The following ACVR1 variants were observed in gnomAD, a reference collection of about 807,000 sequenced individuals.
ACVR1 encodes the protein activin receptor type-1.
A neutral mutation model predicts 57.1 loss-of-function variants in ACVR1; 38 were observed. The observed-to-expected ratio is 0.67, with a 90% CI of 0.51 to 0.87. ACVR1 has a LOEUF of 0.87. ACVR1 is among the 40% of genes least tolerant of loss of function. The probability of loss-of-function intolerance (pLI) is 0.00; values close to 1 mark genes in which losing one functional copy is unlikely to be tolerated. For missense variants in ACVR1, 463 were observed against 638.2 expected, an observed-to-expected ratio of 0.73 and a Z score of 2.96; for synonymous variants, 212 against 228.1, an observed-to-expected ratio of 0.93 and a Z score of 0.63.
At chr2:157,832,382 G>A (rs989525935) in intron 1 of ACVR1, among the ~76,000 whole-genome samples, 5 of 152,154 alleles carry the variant, frequency 3.3e-5, no homozygotes, top group Admixed American at 6.5e-5. Context: ...AGACAAAAAC[G>A]AGAAAGGATG....
intron 6 of ACVR1, among the ~76,000 whole-genome samples, chr2:157,773,312 A>G (rs563564480): frequency 1.3e-5 from 2 of 152,204 alleles, no homozygotes; most frequent in South Asian, 4.1e-4. Flanking sequence ...ACAAGCTGTA[A>G]AAAACATTTA....
chr2:157,844,299 GCT>G (rs1365698161), intron 1 of ACVR1, among the ~76,000 whole-genome samples: 7 of 152,144 alleles, frequency 4.6e-5, no homozygotes, highest in Non-Finnish European at 8.8e-5. Flanking sequence ...AACAGTGACA[GCT>G]CTGCCCCCAA....
chr2:157,825,384 G>A (rs1417855441), intron 1 of ACVR1, among the ~76,000 whole-genome samples: 1 of 152,144 alleles, frequency 6.6e-6, no homozygotes, highest in African/African-American at 2.4e-5. Context: ...TGAGAAATGA[G>A]TTTCATGACA....
chr2:157,863,445 C>T lies in ACVR1; in HGVS notation c.-183+12351G>A, dbSNP rs375933633. ...GGCTCAGTGGCTCACGCCTGTAATC[C>T]CAGCACTTTGGGAGGCCGAGGCCAG... is the stretch of plus-strand genomic sequence containing the variant. On this transcript the variant is annotated intron_variant, in intron 1 of 10. Transcript: ENST00000434821. Among the ~76,000 whole-genome samples, 53 of 127,388 alleles carry T rather than the reference C, an allele frequency of 4.2e-4. No individual in the cohort carries two copies. In the South Asian group the frequency reaches 0.012, roughly 29 times the overall value. The allele number at this position is 127,388 out of a possible 152,430, so 83.6% of individuals were successfully genotyped here. A position where few individuals can be genotyped will look rare whatever the true frequency, so the allele number is the denominator to read the frequency against.
chr2:157,752,666 G>A (rs917064502), intron 9 of ACVR1, among the ~76,000 whole-genome samples: 3 of 152,180 alleles, frequency 2.0e-5, no homozygotes, highest in East Asian at 3.8e-4. Context: ...AAACAATTAT[G>A]AGCCAAGAAT....
chr2:157,761,076 G>A lies in ACVR1; in HGVS notation c.1068C>T (p.Gly356=), dbSNP rs770232114. The change falls in exon 9 of 11, where the codon GGC becomes GGT. Residue 356 remains glycine (G), a splice_region_variant and synonymous_variant. Transcript: ENST00000434821. ...TGCTCTGGGAATGCATGACTGCCAG[G>A]CCTGAAAGGAAGAAGATAACAATGT... The part of the protein sequence containing the change: ...KNGQCCIADL[G]LAVMHSQSTN... 5 of 1,613,628 alleles carry A rather than the reference G, an allele frequency of 3.1e-6. No individual in the cohort carries two copies. The South Asian group carries it at 5.5e-5, about 18-fold the overall frequency.
chr2:157,767,855 C>T (rs1685924362), intron 7 of ACVR1, among the ~76,000 whole-genome samples: 1 of 152,084 alleles, frequency 6.6e-6, no homozygotes, highest in Non-Finnish European at 1.5e-5. Context: ...AGAAAGGTCC[C>T]CTATTTGATC....
chr2:157,799,296 T>C, intron 3 of ACVR1, 131 bp downstream of exon 3: 2 of 667,954 alleles, frequency 3.0e-6, no homozygotes, highest in Admixed American at 5.2e-5. Context: ...TTCAAAATAG[T>C]CAATAATCAC....
chr2:157,809,163 T>C (rs2105318432), intron 2 of ACVR1, among the ~76,000 whole-genome samples: 1 of 152,290 alleles, frequency 6.6e-6, no homozygotes, highest in East Asian at 1.9e-4. Context: ...CTTTGTAAAG[T>C]TTCTCCAAGT....
At chr2:157,867,679 GT>G (rs11313997) in intron 1 of ACVR1, among the ~76,000 whole-genome samples, 137,673 of 147,638 alleles carry the variant, frequency 0.93, 64,647 homozygotes, top group East Asian at 0.99. Flanking sequence ...TAGCAACCAT[GT>G]TTTTTTTTTT....
intron 1 of ACVR1, among the ~76,000 whole-genome samples, chr2:157,848,347 A>T (rs1342229964): frequency 6.6e-6 from 1 of 152,162 alleles, no homozygotes; most frequent in Non-Finnish European, 1.5e-5. Flanking sequence ...CCGCCATGCT[A>T]TGAGGAAGCT....
chr2:157,749,317 T>C (rs552366527), intron 9 of ACVR1, among the ~76,000 whole-genome samples: 9 of 152,212 alleles, frequency 5.9e-5, no homozygotes, highest in Non-Finnish European at 1.2e-4. Context: ...AGGTTAAAAA[T>C]GATTGACAAG....
At chr2:157,748,812 C>T (rs934285900) in intron 9 of ACVR1, among the ~76,000 whole-genome samples, 1 of 152,158 alleles carries the variant, frequency 6.6e-6, no homozygotes, top group African/African-American at 2.4e-5. Flanking sequence ...ATATAAATTA[C>T]CCCAATTCCA....
At chr2:157,810,967 C>T (rs1687732384) in intron 2 of ACVR1, among the ~76,000 whole-genome samples, 1 of 152,140 alleles carries the variant, frequency 6.6e-6, no homozygotes, top group Non-Finnish European at 1.5e-5. Flanking sequence ...TATGGATTCC[C>T]AAGCCTCACC....
intron 3 of ACVR1, among the ~76,000 whole-genome samples, chr2:157,795,048 T>C (rs946127040): frequency 3.3e-5 from 5 of 152,062 alleles, no homozygotes; most frequent in Non-Finnish European, 4.4e-5. Context: ...ACAAAATCTC[T>C]ATGACTCTCT....
chr2:157,835,771 T>C (rs1200315002), intron 1 of ACVR1, among the ~76,000 whole-genome samples: 2 of 152,210 alleles, frequency 1.3e-5, no homozygotes, highest in African/African-American at 4.8e-5. Context: ...TGTTAACCAG[T>C]AGGGTTTACT....
chr2:157,808,894 A>C (rs1323859115), intron 2 of ACVR1, among the ~76,000 whole-genome samples: 2 of 151,794 alleles, frequency 1.3e-5, no homozygotes, highest in African/African-American at 4.8e-5. Flanking sequence ...AAAAAAAAAA[A>C]AACAGAAAGT....
At chr2:157,748,435 G>A (rs1485060798) in intron 9 of ACVR1, among the ~76,000 whole-genome samples, 1 of 152,076 alleles carries the variant, frequency 6.6e-6, no homozygotes, top group Non-Finnish European at 1.5e-5. Flanking sequence ...CAGTTCGAAG[G>A]TGTTTAAGAA....
intron 9 of ACVR1, among the ~76,000 whole-genome samples, chr2:157,749,309 G>C (rs111357731): frequency 3.3e-5 from 5 of 152,176 alleles, no homozygotes; most frequent in Non-Finnish European, 7.4e-5. Flanking sequence ...GGGGACATAG[G>C]TTAAAAATGA....
Sources: allele counts gnomAD v4.1 joint callset (sites outside exome capture counted in the v4.1 genomes callset), GRCh38; gene constraint gnomAD v4.1.1; transcripts MANE v1.5; gene names NCBI Gene and HGNC (gene_info 2026-07-23, HGNC 2026-07-21).